GPR158: variants seen among roughly 807,000 people sequenced by gnomAD.
The protein encoded by GPR158 is G protein-coupled receptor 158.
A neutral mutation model predicts 78.2 loss-of-function variants in GPR158; 30 were observed. The ratio of observed to expected loss-of-function variants is 0.38; its 90% CI spans 0.29 to 0.52. GPR158 has a LOEUF of 0.52. GPR158 is among the 20% of genes least tolerant of loss of function. The probability of loss-of-function intolerance (pLI) is 0.83; values close to 1 mark genes in which losing one functional copy is unlikely to be tolerated. For missense variants in GPR158, 1,463 were observed against 1,523.5 expected (o/e 0.96, Z 0.66); for synonymous variants, 581 against 591.1 (o/e 0.98, Z 0.25).
At chr10:25,507,169 T>A (rs1836024310) in intron 5 of GPR158, among the ~76,000 whole-genome samples, 1 of 152,168 alleles carries the variant, frequency 6.6e-6, no homozygotes, top group Non-Finnish European at 1.5e-5. Context: ...TGTGGCAAAG[T>A]ACACACTGGC....
chr10:25,265,061 AT>A (rs1211687644), intron 2 of GPR158, among the ~76,000 whole-genome samples: 1 of 152,104 alleles, frequency 6.6e-6, no homozygotes, highest in Non-Finnish European at 1.5e-5. Context: ...TGTGGACAGA[AT>A]TTTTTTAAAT....
At chr10:25,341,667 A>G (rs1354176317) in intron 2 of GPR158, among the ~76,000 whole-genome samples, 2 of 151,872 alleles carry the variant, frequency 1.3e-5, no homozygotes, top group Admixed American at 1.3e-4. Context: ...TCTTTTTGGC[A>G]TAAGCAAATC....
intron 4 of GPR158, among the ~76,000 whole-genome samples, chr10:25,457,730 T>C (rs1835309936): frequency 6.6e-6 from 1 of 152,198 alleles, no homozygotes; most frequent in South Asian, 2.1e-4. Context: ...ATCATGAGCA[T>C]GAGGGATAAG....
intron 4 of GPR158, among the ~76,000 whole-genome samples, chr10:25,447,705 G>A (rs1835155930): frequency 6.6e-6 from 1 of 152,204 alleles, no homozygotes; most frequent in African/African-American, 2.4e-5. Flanking sequence ...TTGCAAATTG[G>A]TGGCACTGAC....
intron 8 of GPR158, among the ~76,000 whole-genome samples, chr10:25,590,123 GC>G (rs1279218053): frequency 6.6e-6 from 1 of 152,122 alleles, no homozygotes; most frequent in Non-Finnish European, 1.5e-5. Flanking sequence ...TTTGTAGGAT[GC>G]CTATCCTCTC....
intron 2 of GPR158, among the ~76,000 whole-genome samples, chr10:25,319,830 C>CCA (rs397687451): frequency 9.6e-5 from 14 of 145,952 alleles, no homozygotes; most frequent in South Asian, 2.2e-4. Context: ...CCACCCCCCC[C>CCA]AAAAAAAAAC....
chr10:25,340,344 T>C (rs1487114110), intron 2 of GPR158, among the ~76,000 whole-genome samples: 2 of 152,052 alleles, frequency 1.3e-5, no homozygotes, highest in Non-Finnish European at 1.5e-5. Context: ...TTCCAAAATA[T>C]GTAAAAAGGC....
intron 2 of GPR158, among the ~76,000 whole-genome samples, chr10:25,285,691 T>C (rs138478350): frequency 1.1e-4 from 16 of 152,282 alleles, no homozygotes; most frequent in African/African-American, 2.9e-4. Context: ...TCTAACCCCA[T>C]TGGACTCACA....
intron 4 of GPR158, among the ~76,000 whole-genome samples, chr10:25,417,589 A>G (rs960731246): frequency 6.6e-6 from 1 of 152,230 alleles, no homozygotes; most frequent in African/African-American, 2.4e-5. Flanking sequence ...TGAGTTTTCA[A>G]AAGGTATTCA....
chr10:25,573,864 ATAT>A (rs1234791337), intron 7 of GPR158, among the ~76,000 whole-genome samples: 1 of 152,122 alleles, frequency 6.6e-6, no homozygotes, highest in Non-Finnish European at 1.5e-5. Flanking sequence ...TATAAACCTG[ATAT>A]CTGTAATAGT....
chr10:25,305,791 G>A (rs1456018057), intron 2 of GPR158, among the ~76,000 whole-genome samples: 2 of 152,180 alleles, frequency 1.3e-5, no homozygotes, highest in African/African-American at 4.8e-5. Flanking sequence ...ATGGCTTGGG[G>A]TGGCTCAGAT....
chr10:25,252,784 C>T (rs2130724068), intron 2 of GPR158, among the ~76,000 whole-genome samples: 1 of 152,256 alleles, frequency 6.6e-6, no homozygotes, highest in Non-Finnish European at 1.5e-5. Flanking sequence ...TGTGCCCTGC[C>T]CCCAGAGGTG....
At chr10:25,278,481 A>T (rs1345459144) in intron 2 of GPR158, among the ~76,000 whole-genome samples, 1 of 152,138 alleles carries the variant, frequency 6.6e-6, no homozygotes, top group Non-Finnish European at 1.5e-5. Context: ...CTGAAAAAAT[A>T]GAATGAGGAA....
At chr10:25,201,759 T>TA (rs1237097194) in intron 1 of GPR158, among the ~76,000 whole-genome samples, 1 of 152,186 alleles carries the variant, frequency 6.6e-6, no homozygotes, top group African/African-American at 2.4e-5. Context: ...TAATTCTGTT[T>TA]ATATGGTGAA....
At chr10:25,422,570 C>G (rs1008963211) in intron 4 of GPR158, among the ~76,000 whole-genome samples, 14 of 149,994 alleles carry the variant, frequency 9.3e-5, no homozygotes, top group African/African-American at 3.4e-4. Context: ...AATTCCTCAT[C>G]TGAATGCTTT....
chr10:25,282,357 T>G (rs1854287969), intron 2 of GPR158, among the ~76,000 whole-genome samples: 1 of 152,218 alleles, frequency 6.6e-6, no homozygotes, highest in Non-Finnish European at 1.5e-5. Flanking sequence ...GATTGTAACA[T>G]AATATCCATT....
At chr10:25,226,109 A>C (rs1038847133) in intron 2 of GPR158, among the ~76,000 whole-genome samples, 10 of 112,408 alleles carry the variant, frequency 8.9e-5, no homozygotes, top group Non-Finnish European at 3.5e-5. Context: ...TTTCTCCAGA[A>C]AGTTTCTGTT....
At chr10:25,556,275 C>G (rs995085111) in intron 6 of GPR158, among the ~76,000 whole-genome samples, 1 of 152,188 alleles carries the variant, frequency 6.6e-6, no homozygotes, top group African/African-American at 2.4e-5. Context: ...TGACCCCACC[C>G]AGCACACAGG....
At chr10:25,190,778 G>A (rs1852762112) in intron 1 of GPR158, among the ~76,000 whole-genome samples, 1 of 152,190 alleles carries the variant, frequency 6.6e-6, no homozygotes, top group Admixed American at 6.5e-5. Context: ...GAATGTTTAA[G>A]CTTCATGGTG....
Sources: gnomAD v4.1 joint callset for allele counts (sites outside exome capture counted in the v4.1 genomes callset) on GRCh38, gnomAD v4.1.1 for gene constraint, MANE v1.5 for transcripts, NCBI Gene and HGNC (gene_info 2026-07-23, HGNC 2026-07-21) for gene names.